Variants in CDH13 observed in about 807,000 individuals in gnomAD.
CDH13 encodes the protein cadherin 13.
In CDH13, 24 loss-of-function variants were observed where a neutral mutation model predicts 63.8. The observed-to-expected ratio is 0.38, with a 90% confidence interval of 0.27 to 0.53. The LOEUF (loss-of-function observed/expected upper bound fraction) is 0.53, where lower values mean the gene tolerates loss of function less well. CDH13 is among the 20% of genes least tolerant of loss of function. The pLI is 0.85. For synonymous variants in CDH13, 503 were observed against 355.3 expected (o/e 1.42, Z -4.67); for missense variants, 1,049 against 903.1 (o/e 1.16, Z -2.07).
At chr16:83,451,580 C>G (rs145522813) in intron 6 of CDH13, among the ~76,000 whole-genome samples, 7 of 152,318 alleles carry the variant, frequency 4.6e-5, no homozygotes, top group Admixed American at 2.0e-4. Flanking sequence ...AGTACAGGCA[C>G]TATCACAACT....
chr16:83,354,098 G>A (rs2091009495), intron 6 of CDH13, among the ~76,000 whole-genome samples: 1 of 152,218 alleles, frequency 6.6e-6, no homozygotes, highest in African/African-American at 2.4e-5. Context: ...CTTTTGAAAA[G>A]ATAAACCTGA....
chr16:83,212,870 A>G (rs1387396871), intron 4 of CDH13, among the ~76,000 whole-genome samples: 1 of 152,188 alleles, frequency 6.6e-6, no homozygotes, highest in Admixed American at 6.5e-5. Context: ...TGATGCTGAT[A>G]CTGTTCCAGT....
At chr16:83,164,702 A>G (rs2037586815) in intron 4 of CDH13, among the ~76,000 whole-genome samples, 1 of 148,386 alleles carries the variant, frequency 6.7e-6, no homozygotes, top group South Asian at 2.1e-4. Flanking sequence ...GCTGGGTGAC[A>G]AGAGCGAGAC....
At chr16:82,802,325 A>G (rs887909535) in intron 1 of CDH13, among the ~76,000 whole-genome samples, 1 of 152,192 alleles carries the variant, frequency 6.6e-6, no homozygotes, top group African/African-American at 2.4e-5. Context: ...CCAGCATTAC[A>G]GATAACCAGG....
At chr16:82,696,766 A>C (rs1405189542) in intron 1 of CDH13, among the ~76,000 whole-genome samples, 1 of 152,224 alleles carries the variant, frequency 6.6e-6, no homozygotes, top group African/African-American at 2.4e-5. Context: ...TTAGTGGCTT[A>C]CAAGCAAGTA....
At chr16:83,687,328 G>C (rs1296883815) in intron 10 of CDH13, among the ~76,000 whole-genome samples, 1 of 152,212 alleles carries the variant, frequency 6.6e-6, no homozygotes. Flanking sequence ...GGCTCTGCAG[G>C]CTATATAGGA....
At chr16:82,629,197 G>C (rs1446031009) in intron 1 of CDH13, among the ~76,000 whole-genome samples, 1 of 152,224 alleles carries the variant, frequency 6.6e-6, no homozygotes, top group African/African-American at 2.4e-5. Flanking sequence ...AAATGAACTG[G>C]TGTGTCTCCT....
At chr16:82,900,329 T>C (rs1455601553) in intron 2 of CDH13, among the ~76,000 whole-genome samples, 1 of 152,118 alleles carries the variant, frequency 6.6e-6, no homozygotes, top group Non-Finnish European at 1.5e-5. Context: ...CCAAATAAAC[T>C]CTGAAGTTGA....
At position 83,791,268 on chromosome 16, in the gene CDH13, G is replaced by A. The variant is rs575376405; in HGVS notation, c.2135-3755G>A. Among the ~76,000 whole-genome samples, 6 of 152,218 alleles carry A rather than the reference G, an allele frequency of 3.9e-5. No homozygotes were observed. In the South Asian group the frequency reaches 6.2e-4, roughly 16 times the overall value. Reference sequence around the variant, plus strand: ...TCCCAACACTTTCGGAAGCCTAGGTGGGCCGATCACCTGAGGTCAGGATTT... The same window carrying A: ...TCCCAACACTTTCGGAAGCCTAGGTAGGCCGATCACCTGAGGTCAGGATTT... On this transcript the variant is annotated intron_variant, in intron 13 of 13. Coordinates refer to ENST00000567109, the MANE Select transcript of CDH13 (RefSeq NM_001257.5).
At chr16:83,377,836 C>T (rs986746659) in intron 6 of CDH13, among the ~76,000 whole-genome samples, 2 of 152,010 alleles carry the variant, frequency 1.3e-5, no homozygotes, top group Non-Finnish European at 2.9e-5. Context: ...GTAGAAAGAC[C>T]ATAACACACA....
intron 3 of CDH13, among the ~76,000 whole-genome samples, chr16:83,075,934 C>T (rs916365896): frequency 6.6e-6 from 1 of 152,136 alleles, no homozygotes; most frequent in African/African-American, 2.4e-5. Flanking sequence ...TACATTATAC[C>T]TTTAAGTGGC....
At chr16:83,449,874 T>C (rs1208089499) in intron 6 of CDH13, among the ~76,000 whole-genome samples, 1 of 152,206 alleles carries the variant, frequency 6.6e-6, no homozygotes, top group Non-Finnish European at 1.5e-5. Flanking sequence ...ACCACAGATT[T>C]GTGCAGAGAA....
intron 11 of CDH13, among the ~76,000 whole-genome samples, chr16:83,768,468 A>G (rs1362583301): frequency 6.6e-6 from 1 of 152,212 alleles, no homozygotes; most frequent in East Asian, 1.9e-4. Context: ...GTTTAATCAT[A>G]GTGTTAATGG....
intron 1 of CDH13, among the ~76,000 whole-genome samples, chr16:82,656,101 C>T (rs1382729120): frequency 6.6e-6 from 1 of 152,150 alleles, no homozygotes; most frequent in African/African-American, 2.4e-5. Context: ...AGAGCATCTG[C>T]CTTGGACAGA....
chr16:83,693,484 C>A (rs1306921840), intron 10 of CDH13, among the ~76,000 whole-genome samples: 4 of 152,170 alleles, frequency 2.6e-5, no homozygotes, highest in Admixed American at 6.5e-5. Context: ...TTATTTTCCA[C>A]AAGCCAGCCC....
chr16:82,693,315 A>G (rs909951506), intron 1 of CDH13, among the ~76,000 whole-genome samples: 8 of 152,230 alleles, frequency 5.3e-5, no homozygotes, highest in African/African-American at 1.4e-4. Flanking sequence ...GTGGCAAGAT[A>G]ACTAACACAT....
chr16:83,158,034 C>A (rs894563388), intron 4 of CDH13, among the ~76,000 whole-genome samples: 2 of 152,124 alleles, frequency 1.3e-5, no homozygotes. Context: ...TTCCAGGTAT[C>A]ATGCACCTTT....
At chr16:83,288,352 G>A (rs1016844794) in intron 5 of CDH13, among the ~76,000 whole-genome samples, 1 of 152,206 alleles carries the variant, frequency 6.6e-6, no homozygotes, top group Non-Finnish European at 1.5e-5. Context: ...GAGCAAAGAG[G>A]TTAAATGACT....
At chr16:82,978,641 AGTCAGTAATTGAGGTTT>A (rs1381706841) in intron 2 of CDH13, among the ~76,000 whole-genome samples, 1 of 152,258 alleles carries the variant, frequency 6.6e-6, no homozygotes, top group African/African-American at 2.4e-5. Flanking sequence ...GGTACACAGA[AGTCAGTAATTGAGGTTT>A]GGGAACCTCT....
Sources: gnomAD v4.1 joint callset for allele counts (sites outside exome capture counted in the v4.1 genomes callset) on GRCh38, gnomAD v4.1.1 for gene constraint, MANE v1.5 for transcripts, NCBI Gene and HGNC (gene_info 2026-07-23, HGNC 2026-07-21) for gene names.